The following PACC1 variants were observed in gnomAD, a reference collection of about 807,000 sequenced individuals.
The protein encoded by PACC1 is proton-activated chloride channel.
A neutral mutation model predicts 39.7 loss-of-function variants in PACC1; 34 were observed. That is an observed-to-expected ratio of 0.86 (90% CI 0.65 to 1.14). PACC1 has a LOEUF of 1.14. PACC1 is among the 50% of genes most tolerant of loss of function. PACC1 has a pLI of 0.00. For missense variants in PACC1, 379 were observed against 436.4 expected (o/e 0.87, Z 1.17); for synonymous variants, 127 against 160.6 (o/e 0.79, Z 1.58).
rs185544901 is a variant in PACC1 at position 212,385,333 on chromosome 1, C to T, written c.436G>A (p.Asp146Asn). The change falls in exon 4 of 8, where the codon GAC (aspartate) becomes AAC (asparagine). Residue 146 changes from aspartate (D) to asparagine (N), a missense_variant. Physicochemically the swap from Asp to Asn is conservative, Grantham distance 23. Coordinates refer to ENST00000261455, the MANE Select transcript of PACC1 (RefSeq NM_018252.3). ...ATCCTCTGGGTGGTGCAATTCATGT[C>T]ACCCGGCTGGCCAGGGCTTGTCAGA... is the stretch of plus-strand genomic sequence containing the variant. ...PPLTSPGQPG[D>N]MNCTTQRINY... is the part of the protein sequence containing the mutation. 219 of 1,614,118 alleles carry T rather than the reference C, an allele frequency of 1.4e-4. No individual in the cohort carries two copies. The highest frequency in any genetic ancestry group is 5.0e-4 in the Admixed American group (30 of 60,024).
intron 2 of PACC1, among the ~76,000 whole-genome samples, chr1:212,403,327 C>T (rs1352522938): frequency 2.6e-5 from 4 of 152,066 alleles, no homozygotes; most frequent in Non-Finnish European, 4.4e-5. Context: ...ACCTCCAGGC[C>T]CTCCATTCAA....
chr1:212,387,225 T>G (rs1303778057), intron 2 of PACC1, 125 bp from the exon 3 acceptor site: 1 of 790,856 alleles, frequency 1.3e-6, no homozygotes, highest in Non-Finnish European at 2.0e-6. Context: ...GCCCAACCTT[T>G]CCACCTCACC....
At chr1:212,409,008 A>G (rs1662026888) in intron 2 of PACC1, among the ~76,000 whole-genome samples, 2 of 152,238 alleles carry the variant, frequency 1.3e-5, no homozygotes, top group South Asian at 2.1e-4. Context: ...CAGCTGCAGC[A>G]TTAGATTCTC....
intron 1 of PACC1, among the ~76,000 whole-genome samples, chr1:212,413,016 G>A (rs974090637): frequency 3.9e-5 from 6 of 152,154 alleles, no homozygotes; most frequent in Non-Finnish European, 8.8e-5. Context: ...AGCCAGGCAC[G>A]AACGTGGGCT....
intron 2 of PACC1, among the ~76,000 whole-genome samples, chr1:212,389,556 T>C (rs1661230645): frequency 6.6e-6 from 1 of 152,178 alleles, no homozygotes; most frequent in Non-Finnish European, 1.5e-5. Flanking sequence ...CAAGAAAATG[T>C]GACCTGTACT....
chr1:212,379,880 A>G lies in PACC1; in HGVS notation c.638+15T>C. ...AAAGTAGACAGTAAGCCCACTGTGA[A>G]CTCTAAAAGCCCACCTTTGCAGGAA... On this transcript the variant is annotated intron_variant, in intron 5 of 7. Coordinates refer to ENST00000261455, the MANE Select transcript of PACC1 (RefSeq NM_018252.3). 1 of 1,613,958 alleles carries G rather than the reference A, an allele frequency of 6.2e-7. No individual in the cohort carries two copies. Among genetic ancestry groups the G allele is most frequent in the Non-Finnish European group, 8.5e-7 (1 of 1,179,936 alleles).
intron 1 of PACC1, among the ~76,000 whole-genome samples, chr1:212,413,558 G>A (rs912534673): frequency 6.6e-6 from 1 of 152,180 alleles, no homozygotes; most frequent in East Asian, 1.9e-4. Flanking sequence ...TTGGCGGAGC[G>A]TTGATGAAGG....
intron 4 of PACC1, among the ~76,000 whole-genome samples, chr1:212,383,424 C>T (rs562586461): frequency 2.6e-5 from 4 of 152,286 alleles, no homozygotes; most frequent in East Asian, 1.9e-4. Flanking sequence ...GCGTGTTTTA[C>T]AGAGAGATGA....
intron 1 of PACC1, among the ~76,000 whole-genome samples, chr1:212,414,315 T>C (rs1662248824): frequency 6.6e-6 from 1 of 152,114 alleles, no homozygotes; most frequent in Admixed American, 6.5e-5. Context: ...GCGCATCAGA[T>C]CTCGCCGGGA....
chr1:212,403,474 T>A (rs1388929019), intron 2 of PACC1, among the ~76,000 whole-genome samples: 1 of 152,202 alleles, frequency 6.6e-6, no homozygotes, highest in Non-Finnish European at 1.5e-5. Flanking sequence ...GTTGCACAAC[T>A]CCAGCCCTCC....
intron 4 of PACC1, 118 bp downstream of exon 4, chr1:212,385,156 T>C (rs1363499113): frequency 8.5e-7 from 1 of 1,181,370 alleles, no homozygotes. Flanking sequence ...CCTTGGGGAC[T>C]AAGGCCCCAC....
At chr1:212,372,755 C>T (rs1660506589) in intron 7 of PACC1, among the ~76,000 whole-genome samples, 1 of 151,976 alleles carries the variant, frequency 6.6e-6, no homozygotes, top group East Asian at 1.9e-4. Context: ...AGAGCAATCC[C>T]ATTTATAATA....
In PACC1 at chr1:212,372,007, G is replaced by A. The variant is rs142893885; in HGVS notation, c.891+3186C>T. ...TCATGATAAAAACTCTCAATGTGCC[G>A]GATATGGTGGCTCACTCCTGTAATC... On this transcript the variant is annotated intron_variant, in intron 7 of 7. Coordinates refer to ENST00000261455, the MANE Select transcript of PACC1 (RefSeq NM_018252.3). Among the ~76,000 whole-genome samples the A allele has an allele frequency of 3.4e-3, 513 of 152,096 alleles. 2 individuals are homozygous for A. The highest frequency in any genetic ancestry group is 0.012 in the African/African-American group (487 of 41,490).
intron 6 of PACC1, among the ~76,000 whole-genome samples, chr1:212,375,894 T>C (rs1417002179): frequency 1.3e-5 from 2 of 151,938 alleles, no homozygotes; most frequent in Non-Finnish European, 2.9e-5. Flanking sequence ...CCAAAAAAAA[T>C]AAAATATTAA....
At chr1:212,372,475 C>T (rs1660497698) in intron 7 of PACC1, among the ~76,000 whole-genome samples, 1 of 151,986 alleles carries the variant, frequency 6.6e-6, no homozygotes, top group South Asian at 2.1e-4. Context: ...TTTTGTTCAA[C>T]ATAATACTGG....
intron 5 of PACC1, among the ~76,000 whole-genome samples, chr1:212,378,358 A>G (rs2102482283): frequency 6.6e-6 from 1 of 152,360 alleles, no homozygotes; most frequent in South Asian, 2.1e-4. Flanking sequence ...GCCAGCTTGA[A>G]GCAGGGAAGG....
intron 7 of PACC1, among the ~76,000 whole-genome samples, chr1:212,374,671 T>A (rs936443841): frequency 4.6e-5 from 7 of 152,228 alleles, no homozygotes; most frequent in African/African-American, 1.7e-4. Context: ...TAAATATGTA[T>A]ATTATGTATC....
At chr1:212,381,677 G>GACACACAC (rs1170030743) in intron 4 of PACC1, among the ~76,000 whole-genome samples, 6 of 86,952 alleles carry the variant, frequency 6.9e-5, no homozygotes, top group East Asian at 7.1e-4. Flanking sequence ...CATGTGCACA[G>GACACACAC]ACACACACAC....
rs1049673503 is a variant in PACC1, at chr1:212,386,560, C to G, written c.343+331G>C. 2.6e-5 allele frequency among the ~76,000 whole-genome samples: 4 copies of G among 152,140 alleles called. No individual in the cohort carries two copies. The highest frequency in any genetic ancestry group is 5.9e-5 in the Non-Finnish European group (4 of 68,034). On this transcript the variant is annotated intron_variant, in intron 3 of 7. Transcript: ENST00000261455. The surrounding 1 kb of genome is among the most constrained non-coding windows in gnomAD (Gnocchi z 5.0). ...GAAGCCCTCTGCCTCCCTAGACACC[C>G]CTTCGCTCTGCTGATCCCCATCCCA... is the stretch of plus-strand genomic sequence containing the variant.
Sources: gnomAD v4.1 joint callset for allele counts (sites outside exome capture counted in the v4.1 genomes callset) on GRCh38, gnomAD v4.1.1 for gene constraint, Gnocchi (gnomAD v3.1) non-coding constraint, MANE v1.5 for transcripts, NCBI Gene and HGNC (gene_info 2026-07-23, HGNC 2026-07-21) for gene names.